KALRN: variants seen among roughly 807,000 people sequenced by gnomAD.
KALRN encodes the protein kalirin.
KALRN carries 70 observed loss-of-function variants against 353.7 expected under a neutral mutation model. The ratio of observed to expected loss-of-function variants is 0.20; its 90% CI spans 0.16 to 0.24. KALRN has a LOEUF of 0.24. Ranked by LOEUF, KALRN falls within the 10% of genes least tolerant of loss-of-function variation. The pLI is 1.00. For synonymous variants in KALRN, 1,391 were observed against 1,434.8 expected (o/e 0.97, Z 0.69); for missense variants, 2,791 against 3,756.7 (o/e 0.74, Z 6.72).
chr3:124,103,535 G>A (rs1231340148), intron 1 of KALRN, among the ~76,000 whole-genome samples: 6 of 152,190 alleles, frequency 3.9e-5, no homozygotes, highest in East Asian at 3.8e-4. Context: ...AATTAGTATC[G>A]TTGTTGTTAT....
intron 10 of KALRN, among the ~76,000 whole-genome samples, chr3:124,354,431 G>A (rs2083165342): frequency 6.6e-6 from 1 of 152,112 alleles, no homozygotes; most frequent in African/African-American, 2.4e-5. Context: ...TGTAAGGACT[G>A]GGAAGGATAT....
intron 1 of KALRN, among the ~76,000 whole-genome samples, chr3:124,121,991 G>C (rs1373361904): frequency 1.3e-5 from 2 of 152,218 alleles, no homozygotes; most frequent in Non-Finnish European, 2.9e-5. Flanking sequence ...GGTGCTCTCT[G>C]TTGGGCAATC....
chr3:124,055,846 G>T (rs1220415548), intron 1 of KALRN, among the ~76,000 whole-genome samples: 1 of 150,886 alleles, frequency 6.6e-6, no homozygotes, highest in Non-Finnish European at 1.5e-5. Flanking sequence ...TCACTCTAGT[G>T]GGTGCCATTT....
At chr3:124,311,140 C>T (rs2078224940) in intron 6 of KALRN, among the ~76,000 whole-genome samples, 1 of 139,404 alleles carries the variant, frequency 7.2e-6, no homozygotes, top group Non-Finnish European at 1.5e-5. Flanking sequence ...ACTTCTTCCC[C>T]ACTAGAATGC....
intron 6 of KALRN, 22 bp from the exon 7 acceptor site, chr3:124,325,958 A>G (rs940545742): frequency 1.9e-6 from 3 of 1,600,794 alleles, no homozygotes; most frequent in Middle Eastern, 1.7e-4. Flanking sequence ...TGCCCCACTG[A>G]GCACTCTCCT....
At chr3:124,172,245 C>G (rs2071945219) in intron 1 of KALRN, among the ~76,000 whole-genome samples, 1 of 152,176 alleles carries the variant, frequency 6.6e-6, no homozygotes, top group African/African-American at 2.4e-5. Flanking sequence ...TACCCCATTC[C>G]CCTTCGCCTT....
chr3:124,510,888 G>A (rs1280421487), intron 33 of KALRN, among the ~76,000 whole-genome samples: 1 of 152,158 alleles, frequency 6.6e-6, no homozygotes, highest in Non-Finnish European at 1.5e-5. Flanking sequence ...AAACACAAGA[G>A]TATGTCTCTG....
At chr3:124,224,646 TG>T (rs1238956567) in intron 1 of KALRN, among the ~76,000 whole-genome samples, 1 of 152,150 alleles carries the variant, frequency 6.6e-6, no homozygotes, top group Non-Finnish European at 1.5e-5. Flanking sequence ...ACCTGCAAAA[TG>T]GGGTGATCTG....
chr3:124,334,517 T>A lies in KALRN; in HGVS notation c.1647+22T>A. ...GCAGGTAACAGGCTCTGAGCCCCGG[T>A]GTCCATTATCCATTCTAGGAGGCAG... On this transcript the variant is annotated intron_variant, in intron 9 of 59. Transcript: ENST00000682506. This position sits in a 1 kb window ranked among gnomAD's most constrained non-coding sequence, Gnocchi z 4.2. 1 of 1,565,088 alleles carries A rather than the reference T, an allele frequency of 6.4e-7. No homozygotes were observed. The highest frequency in any genetic ancestry group is 8.8e-7 in the Non-Finnish European group (1 of 1,140,746).
chr3:124,329,429 A>G (rs1321482892), intron 7 of KALRN, among the ~76,000 whole-genome samples: 1 of 152,062 alleles, frequency 6.6e-6, no homozygotes, highest in Non-Finnish European at 1.5e-5. Context: ...TCACAACTGG[A>G]TGTACATACT....
chr3:124,208,978 A>C (rs527566081), intron 1 of KALRN, among the ~76,000 whole-genome samples: 38 of 151,848 alleles, frequency 2.5e-4, no homozygotes, highest in African/African-American at 5.1e-4. Context: ...TAATAATAAT[A>C]ATAATAATCA....
chr3:124,503,451 C>CT (rs5852407), intron 33 of KALRN, among the ~76,000 whole-genome samples: 96,115 of 148,798 alleles, frequency 0.65, 31,137 homozygotes, highest in East Asian at 0.8. Context: ...ATTGTAATTT[C>CT]TTTTTTTTTT....
At chr3:124,137,431 T>G (rs1400611272) in intron 1 of KALRN, among the ~76,000 whole-genome samples, 1 of 151,588 alleles carries the variant, frequency 6.6e-6, no homozygotes, top group Non-Finnish European at 1.5e-5. Context: ...TGAGCAAAGG[T>G]GTAGGGTGGG....
At chr3:124,090,646 C>G (rs1026350443) in intron 1 of KALRN, among the ~76,000 whole-genome samples, 2 of 152,152 alleles carry the variant, frequency 1.3e-5, no homozygotes, top group African/African-American at 2.4e-5. Flanking sequence ...CTATTGGACT[C>G]TCAGGGTGTT....
chr3:124,368,933 G>A lies in KALRN; in HGVS notation c.1771-15912G>A, dbSNP rs552692383. On this transcript the variant is annotated intron_variant, in intron 10 of 59. Transcript: ENST00000682506. ...GGCGTGGTGGCGCGTGCCTGCAATC[G>A]CAGGCACTCGGCAGGCTGAGGCAGG... is the stretch of plus-strand genomic sequence containing the variant. Among the ~76,000 whole-genome samples, 6 of 152,078 alleles carry A rather than the reference G, an allele frequency of 3.9e-5. No individual in the cohort carries two copies. The South Asian group carries it at 1.2e-3, about 32-fold the overall frequency.
chr3:124,664,288 C>T (rs998962120), intron 45 of KALRN, among the ~76,000 whole-genome samples: 1 of 151,070 alleles, frequency 6.6e-6, no homozygotes, highest in Non-Finnish European at 1.5e-5. Context: ...TCTGATTGTG[C>T]TGTCTATCCC....
chr3:124,340,368 AT>A (rs1436058412), intron 9 of KALRN, among the ~76,000 whole-genome samples: 3 of 152,084 alleles, frequency 2.0e-5, no homozygotes, highest in Non-Finnish European at 4.4e-5. Context: ...CTAAAACACA[AT>A]AAAACTAGCT....
At chr3:124,704,882 C>A (rs74281223) in intron 57 of KALRN, among the ~76,000 whole-genome samples, 24,508 of 152,218 alleles carry the variant, frequency 0.16, 2,375 homozygotes, top group Middle Eastern at 0.22. Flanking sequence ...ATGTGAGACA[C>A]AGGAAAGATA....
At chr3:124,244,522 C>T (rs747664497) in intron 3 of KALRN, among the ~76,000 whole-genome samples, 26 of 152,190 alleles carry the variant, frequency 1.7e-4, no homozygotes, top group Non-Finnish European at 3.4e-4. Flanking sequence ...CAGGCGTGAG[C>T]GACCGCGCCT....
Sources: gnomAD v4.1 joint callset for allele counts (sites outside exome capture counted in the v4.1 genomes callset) on GRCh38, gnomAD v4.1.1 for gene constraint, Gnocchi (gnomAD v3.1) non-coding constraint, MANE v1.5 for transcripts, NCBI Gene and HGNC (gene_info 2026-07-23, HGNC 2026-07-21) for gene names.